Variants in SNX29 observed in about 807,000 individuals in gnomAD.
SNX29 encodes sorting nexin-29.
A neutral mutation model predicts 102.1 loss-of-function variants in SNX29; 78 were observed. The observed-to-expected ratio is 0.76, with a 90% CI of 0.64 to 0.92. The LOEUF is 0.92. Among genes scored for constraint, SNX29 ranks in the 40% least tolerant of loss-of-function variants. The pLI is 0.00. For synonymous variants in SNX29, 580 were observed against 414.5 expected, an observed-to-expected ratio of 1.40 and a Z score of -4.85; for missense variants, 1,280 against 1,061.7, an observed-to-expected ratio of 1.21 and a Z score of -2.86.
chr16:12,564,934 T>TAAAAAAA (rs6145751), intron 20 of SNX29, among the ~76,000 whole-genome samples: 2 of 144,850 alleles, frequency 1.4e-5, no homozygotes, highest in African/African-American at 5.1e-5. Flanking sequence ...ACCTTGGTGT[T>TAAAAAAA]AAAAAAAAAA....
At chr16:12,555,713 G>T (rs751473509) in intron 20 of SNX29, among the ~76,000 whole-genome samples, 2 of 152,068 alleles carry the variant, frequency 1.3e-5, no homozygotes, top group South Asian at 4.1e-4. Context: ...GATTCTCCCT[G>T]ATTGGCCCTT....
chr16:12,394,280 A>G (rs1279480350), intron 16 of SNX29, among the ~76,000 whole-genome samples: 1 of 149,374 alleles, frequency 6.7e-6, no homozygotes, highest in African/African-American at 2.6e-5. Flanking sequence ...GGGTTACTTG[A>G]TCTTCTGGGC....
chr16:11,976,795 G>A lies in SNX29; in HGVS notation c.-12G>A. 1 of 1,377,766 alleles carries A rather than the reference G, an allele frequency of 7.3e-7. No individual in the cohort carries two copies. Among genetic ancestry groups the A allele is most frequent in the Non-Finnish European group, 9.4e-7 (1 of 1,064,644 alleles). 85.3% of individuals were successfully genotyped at this position (1,377,766 alleles called of 1,614,324 possible). ...GCGGCGCGGCGCAGGCACCGGCCCG[G>A]GGAGAGGCACCATGAGCGGTGAGTG... On this transcript the variant is annotated 5_prime_UTR_variant, in exon 1 of 21. Transcript: ENST00000566228.
At chr16:12,564,217 CA>C (rs1191516952) in intron 20 of SNX29, among the ~76,000 whole-genome samples, 3 of 76,314 alleles carry the variant, frequency 3.9e-5, no homozygotes, top group African/African-American at 1.9e-4. Context: ...GGGAGACCCC[CA>C]CATCTCTAAG....
At chr16:12,449,692 A>G (rs2086219747) in intron 18 of SNX29, among the ~76,000 whole-genome samples, 1 of 152,144 alleles carries the variant, frequency 6.6e-6, no homozygotes, top group South Asian at 2.1e-4. Flanking sequence ...GAGGTTACGC[A>G]GGTTGCATCC....
chr16:12,532,326 GC>G (rs1275749277), intron 20 of SNX29, among the ~76,000 whole-genome samples: 5 of 152,210 alleles, frequency 3.3e-5, no homozygotes, highest in African/African-American at 1.2e-4. Flanking sequence ...AGCGTCATGA[GC>G]CTTGCTAGCA....
chr16:12,537,665 A>G (rs946232707), intron 20 of SNX29, among the ~76,000 whole-genome samples: 1 of 152,216 alleles, frequency 6.6e-6, no homozygotes, highest in East Asian at 1.9e-4. Context: ...GCCCTACTTC[A>G]TGTCTTTTTT....
chr16:12,196,167 G>C (rs911376053), intron 13 of SNX29, among the ~76,000 whole-genome samples: 5 of 151,788 alleles, frequency 3.3e-5, no homozygotes, highest in African/African-American at 1.2e-4. Context: ...GTAGAGATGG[G>C]GTTTCACCAT....
chr16:12,027,807 C>G (rs535080912), intron 4 of SNX29: 1 of 170,788 alleles, frequency 5.9e-6, no homozygotes, highest in East Asian at 1.7e-4. Context: ...TTAATGTCTT[C>G]CATACCAGCA....
chr16:12,478,182 CCTGTGT>C (rs1184961354), intron 19 of SNX29, among the ~76,000 whole-genome samples: 1 of 152,182 alleles, frequency 6.6e-6, no homozygotes, highest in Non-Finnish European at 1.5e-5. Flanking sequence ...CTGCTGGGGT[CCTGTGT>C]AAGCAACCGT....
intron 18 of SNX29, among the ~76,000 whole-genome samples, chr16:12,432,247 G>T (rs142766659): frequency 1.3e-5 from 2 of 152,306 alleles, no homozygotes; most frequent in African/African-American, 4.8e-5. Flanking sequence ...TTACGCATTC[G>T]CCAATTACCG....
In SNX29 at chr16:12,140,249, G is replaced by A. The variant is rs186297948; in HGVS notation, c.1595+10491G>A. 9.1e-4 allele frequency among the ~76,000 whole-genome samples: 138 copies of A among 152,284 alleles called. 1 individual carries two copies. The highest frequency in any genetic ancestry group is 1.7e-3 in the South Asian group (8 of 4,826). ...CATTCTTAGGTAACTCTTCTCTTGT[G>A]GTGACAAGAGGGCCCCCAGGGGCCC... On this transcript the variant is annotated intron_variant, in intron 13 of 20. Transcript: ENST00000566228.
intron 2 of SNX29, among the ~76,000 whole-genome samples, chr16:12,002,635 G>C (rs1051052324): frequency 1.3e-5 from 2 of 152,142 alleles, no homozygotes; most frequent in African/African-American, 4.8e-5. Context: ...TGTAATTATC[G>C]CCCGTGAAGA....
intron 18 of SNX29, among the ~76,000 whole-genome samples, chr16:12,418,824 A>G (rs936001681): frequency 6.6e-6 from 1 of 152,066 alleles, no homozygotes; most frequent in Non-Finnish European, 1.5e-5. Flanking sequence ...CATGTTTCCA[A>G]GTTTTCTTCA....
intron 11 of SNX29, among the ~76,000 whole-genome samples, chr16:12,121,044 G>T (rs2053950468): frequency 6.6e-6 from 1 of 152,208 alleles, no homozygotes; most frequent in Non-Finnish European, 1.5e-5. Flanking sequence ...TTAGCAGTGG[G>T]CGACTGTCAG....
chr16:12,292,004 G>A lies in SNX29; in HGVS notation c.1782+13968G>A, dbSNP rs138611424. Among the ~76,000 whole-genome samples the A allele has an allele frequency of 2.6e-5, 4 of 152,330 alleles. No homozygotes were observed. In the East Asian group the frequency reaches 7.7e-4, roughly 29 times the overall value. On this transcript the variant is annotated intron_variant, in intron 15 of 20. Transcript: ENST00000566228. ...ATAAAACAGTAATTTTTAGCAGCAAGCAATCAGTGAATCAAAAGAAGAGGG... is the reference window on the plus strand; with the variant it reads ...ATAAAACAGTAATTTTTAGCAGCAAACAATCAGTGAATCAAAAGAAGAGGG...
At position 12,553,581 on chromosome 16, in the gene SNX29, GCT is replaced by G. The variant is rs924467584; in HGVS notation, c.2319-14924_2319-14923del. 3.6e-5 allele frequency among the ~76,000 whole-genome samples: 5 copies of G among 137,244 alleles called. No individual in the cohort carries two copies. The Admixed American group carries it at 3.9e-4, about 11-fold the overall frequency. The allele number at this position is 137,244 out of a possible 152,430, so 90.0% of individuals were successfully genotyped here. A position where few individuals can be genotyped will look rare whatever the true frequency, so the allele number is the denominator to read the frequency against. ...AGCAGGAGCTGTGGGCTCTGAGGATGCTTTGTTCCCCACCCCCCACCCCTGCA... is the reference window on the plus strand; with the variant it reads ...AGCAGGAGCTGTGGGCTCTGAGGATGTTGTTCCCCACCCCCCACCCCTGCA... On this transcript the variant is annotated intron_variant, in intron 20 of 20. Coordinates refer to ENST00000566228, the MANE Select transcript of SNX29 (RefSeq NM_032167.5).
chr16:12,360,448 C>G (rs1184909421), intron 16 of SNX29, among the ~76,000 whole-genome samples: 1 of 152,160 alleles, frequency 6.6e-6, no homozygotes, highest in East Asian at 1.9e-4. Context: ...CCTTACCTTG[C>G]CTTTAAATTG....
intron 13 of SNX29, among the ~76,000 whole-genome samples, chr16:12,157,129 C>T (rs189553939): frequency 9.2e-5 from 14 of 152,228 alleles, no homozygotes; most frequent in East Asian, 5.8e-4. Context: ...GAGAGTCCCC[C>T]GAGGAGTGTG....
Sources: allele counts gnomAD v4.1 joint callset (sites outside exome capture counted in the v4.1 genomes callset), GRCh38; gene constraint gnomAD v4.1.1; transcripts MANE v1.5; gene names NCBI Gene and HGNC (gene_info 2026-07-23, HGNC 2026-07-21).